Variants in CFH observed in about 807,000 individuals in gnomAD.
The protein encoded by CFH is complement factor H.
CFH carries 53 observed loss-of-function variants against 147.3 expected under a neutral mutation model. That is an observed-to-expected ratio of 0.36 (90% CI 0.29 to 0.45). The LOEUF is 0.45. Among genes scored for constraint, CFH ranks in the 20% least tolerant of loss-of-function variants. The pLI, the probability that CFH is intolerant of heterozygous loss-of-function variation, is 1.00. For missense variants in CFH, 1,380 were observed against 1,498.0 expected (o/e 0.92, Z 1.30); for synonymous variants, 536 against 489.4 (o/e 1.10, Z -1.26).
chr1:196,733,608 C>T (rs140255805), intron 15 of CFH, among the ~76,000 whole-genome samples: 19 of 152,148 alleles, frequency 1.2e-4, no homozygotes, highest in South Asian at 8.3e-4. Context: ...CCATATAAAA[C>T]GCCATTTCTT....
intron 11 of CFH, among the ~76,000 whole-genome samples, chr1:196,717,663 G>T (rs1668902550): frequency 6.6e-6 from 1 of 152,066 alleles, no homozygotes; most frequent in African/African-American, 2.4e-5. Flanking sequence ...TATTGCTTGA[G>T]GAAAGTTGTG....
chr1:196,712,449 T>C (rs1668744363), intron 9 of CFH, among the ~76,000 whole-genome samples: 1 of 151,630 alleles, frequency 6.6e-6, no homozygotes, highest in African/African-American at 2.4e-5. Context: ...ATTGTTCGAG[T>C]GTCATCTCAC....
chr1:196,710,661 G>C (rs976562478), intron 9 of CFH, among the ~76,000 whole-genome samples: 1 of 152,092 alleles, frequency 6.6e-6, no homozygotes, highest in African/African-American at 2.4e-5. Flanking sequence ...TTATTCACTA[G>C]AACTGGGACA....
chr1:196,680,286 G>A (rs1435133387), intron 6 of CFH, among the ~76,000 whole-genome samples: 4 of 150,252 alleles, frequency 2.7e-5, no homozygotes, highest in African/African-American at 9.8e-5. Context: ...ATGACTCAAC[G>A]GTGATGATGG....
intron 9 of CFH, among the ~76,000 whole-genome samples, chr1:196,702,185 C>T (rs962293834): frequency 1.3e-5 from 2 of 152,150 alleles, no homozygotes; most frequent in Non-Finnish European, 2.9e-5. Context: ...GGAGCTGCAG[C>T]AGCACTACTG....
chr1:196,706,002 A>C (rs1274076697), intron 9 of CFH, among the ~76,000 whole-genome samples: 1 of 152,054 alleles, frequency 6.6e-6, no homozygotes, highest in East Asian at 1.9e-4. Context: ...CCCTTTAAAA[A>C]CCTGGACTTA....
intron 7 of CFH, among the ~76,000 whole-genome samples, chr1:196,687,390 G>T (rs1667864524): frequency 6.6e-6 from 1 of 151,988 alleles, no homozygotes; most frequent in African/African-American, 2.4e-5. Context: ...AGATGTAAAT[G>T]TGACCAAATT....
chr1:196,736,616 T>C (rs1264965597), intron 15 of CFH, among the ~76,000 whole-genome samples: 2 of 151,900 alleles, frequency 1.3e-5, no homozygotes, highest in African/African-American at 2.4e-5. Context: ...AGTTCTATTG[T>C]TTAATGTAAC....
In CFH at chr1:196,699,331, T is replaced by C. The variant is rs150400652; in HGVS notation, c.1336+9092T>C. 3.6e-3 allele frequency among the ~76,000 whole-genome samples: 546 copies of C among 152,302 alleles called. 7 individuals are homozygous for C. Among genetic ancestry groups the C allele is most frequent in the African/African-American group, 0.011 (473 of 41,580 alleles). On this transcript the variant is annotated intron_variant, in intron 9 of 21. Coordinates refer to ENST00000367429, the MANE Select transcript of CFH (RefSeq NM_000186.4). The stretch of plus-strand genomic sequence containing the variant: ...GCATCTTCTTTGTACTTATTTACCA[T>C]CTATGTACCTCCTTTGGTGAACACT...
chr1:196,725,515 A>T (rs1669114950), intron 12 of CFH, among the ~76,000 whole-genome samples: 1 of 152,188 alleles, frequency 6.6e-6, no homozygotes, highest in South Asian at 2.1e-4. Context: ...GTATTCCCAG[A>T]CACACAGGTG....
intron 7 of CFH, among the ~76,000 whole-genome samples, chr1:196,688,769 C>G (rs1453961311): frequency 1.3e-5 from 2 of 152,032 alleles, no homozygotes; most frequent in Non-Finnish European, 2.9e-5. Context: ...CACCACCAGG[C>G]CCGGCTAATT....
In CFH at chr1:196,652,763, A is replaced by T. The variant is rs1028005552; in HGVS notation, c.58+588A>T. ...TTGTAACAGTTAAGTTGTTCAATAG[A>T]GATTTTTTTCCTGTAGTTGTATATA... On this transcript the variant is annotated intron_variant, in intron 1 of 21. Transcript: ENST00000367429. Among the ~76,000 whole-genome samples the T allele has an allele frequency of 9.9e-5, 15 of 151,990 alleles. No individual in the cohort carries two copies. In the South Asian group the frequency reaches 2.3e-3, roughly 23 times the overall value.
At chr1:196,725,530 C>T (rs1034476494) in intron 12 of CFH, among the ~76,000 whole-genome samples, 1 of 152,098 alleles carries the variant, frequency 6.6e-6, no homozygotes, top group Non-Finnish European at 1.5e-5. Flanking sequence ...CAGGTGTTGT[C>T]GGTCTTAGTC....
At chr1:196,736,583 A>C (rs1669407823) in intron 15 of CFH, among the ~76,000 whole-genome samples, 1 of 151,972 alleles carries the variant, frequency 6.6e-6, no homozygotes, top group South Asian at 2.1e-4. Flanking sequence ...ACTACAAGAA[A>C]GTCTATGAGA....
intron 9 of CFH, among the ~76,000 whole-genome samples, chr1:196,713,450 T>C (rs1255880721): frequency 1.3e-5 from 2 of 152,188 alleles, no homozygotes; most frequent in South Asian, 4.1e-4. Context: ...TCTGACATGC[T>C]GTAGAATTCC....
At chr1:196,718,854 C>T (rs979329310) in intron 11 of CFH, among the ~76,000 whole-genome samples, 1 of 151,932 alleles carries the variant, frequency 6.6e-6, no homozygotes, top group African/African-American at 2.4e-5. Context: ...GAACACATAA[C>T]TAGGAATTTG....
At chr1:196,663,527 A>G (rs772326936) in intron 1 of CFH, among the ~76,000 whole-genome samples, 1 of 152,188 alleles carries the variant, frequency 6.6e-6, no homozygotes, top group Non-Finnish European at 1.5e-5. Context: ...TAGTCTGTAT[A>G]TATTTATTCC....
At chr1:196,735,778 T>C (rs1462094514) in intron 15 of CFH, among the ~76,000 whole-genome samples, 2 of 151,918 alleles carry the variant, frequency 1.3e-5, no homozygotes, top group African/African-American at 2.4e-5. Flanking sequence ...AAAACAGAAA[T>C]AAGCAAAATA....
At position 196,667,264 on chromosome 1, in the gene CFH, T is replaced by G. The variant is rs181887267; in HGVS notation, c.59-5714T>G. 1.3e-5 allele frequency among the ~76,000 whole-genome samples: 2 copies of G among 152,316 alleles called. 1 individual carries two copies. The highest frequency in any genetic ancestry group is 1.3e-4 in the Admixed American group (2 of 15,300). ...TTGCTGAGTTTCATGGTGTAAATTC[T>G]CACAATATGGTCAATTTCAAGTTAC... is the stretch of plus-strand genomic sequence containing the variant. On this transcript the variant is annotated intron_variant, in intron 1 of 21. Transcript: ENST00000367429.
Sources: gnomAD v4.1 joint callset for allele counts (sites outside exome capture counted in the v4.1 genomes callset) on GRCh38, gnomAD v4.1.1 for gene constraint, MANE v1.5 for transcripts, NCBI Gene and HGNC (gene_info 2026-07-23, HGNC 2026-07-21) for gene names.